The following MEGF8 variants were observed in gnomAD, a reference collection of about 807,000 sequenced individuals.
The protein encoded by MEGF8 is multiple epidermal growth factor-like domains protein 8.
A neutral mutation model predicts 302.9 loss-of-function variants in MEGF8; 156 were observed. That is an observed-to-expected ratio of 0.52 (90% CI 0.45 to 0.59). The LOEUF (loss-of-function observed/expected upper bound fraction) is 0.59. Among genes scored for constraint, MEGF8 ranks in the 20% least tolerant of loss-of-function variants. The probability of loss-of-function intolerance (pLI) is 0.00; values close to 1 mark genes in which losing one functional copy is unlikely to be tolerated. For missense variants in MEGF8, 3,345 were observed against 3,964.5 expected (o/e 0.84, Z 4.20); for synonymous variants, 1,621 against 1,660.5 (o/e 0.98, Z 0.58).
Position 42,375,434 on chromosome 19 carries a change from G to C in MEGF8, c.7270-73G>C. 7.0e-7 allele frequency: 1 copy of C among 1,420,112 alleles called. No homozygotes were observed. Among genetic ancestry groups the C allele is most frequent in the Non-Finnish European group, 9.4e-7 (1 of 1,061,032 alleles). 88.0% of individuals were successfully genotyped at this position (1,420,112 alleles called of 1,614,324 possible). ...ACTTAGCAGTGGGTATAGAGTATTC[G>C]TCACTGCTGCTTGGGGGACAGGCTG... On this transcript the variant is annotated intron_variant, in intron 41 of 41. Coordinates refer to ENST00000251268, the MANE Select transcript of MEGF8 (RefSeq NM_001271938.2). The surrounding 1 kb of genome is among the most constrained non-coding windows in gnomAD (Gnocchi z 7.1).
chr19:42,363,831 A>T (rs1332972789), intron 35 of MEGF8, among the ~76,000 whole-genome samples: 1 of 152,162 alleles, frequency 6.6e-6, no homozygotes, highest in African/African-American at 2.4e-5. Flanking sequence ...ATGACCCGTA[A>T]TCTCAGCTGT....
rs1383271654 is a variant in MEGF8 at position 42,357,376 on chromosome 19, T to C, written c.4831-28T>C. On this transcript the variant is annotated intron_variant, in intron 27 of 41. Transcript: ENST00000251268. The surrounding 1 kb of genome is among the most constrained non-coding windows in gnomAD (Gnocchi z 5.2). ...AGGTGACCCCTGACCTCTAGCCCCA[T>C]CGGTGACCTTGCCCCTCCATCCCTC... 6.2e-7 allele frequency: 1 copy of C among 1,608,280 alleles called. No homozygotes were observed. Among genetic ancestry groups the C allele is most frequent in the East Asian group, 2.2e-5 (1 of 44,776 alleles).
Position 42,376,437 on chromosome 19 carries a change from C to T in MEGF8, c.8200C>T (p.Pro2734Ser). 1 of 1,611,998 alleles carries T rather than the reference C, an allele frequency of 6.2e-7. No homozygotes were observed. The highest frequency in any genetic ancestry group is 8.5e-7 in the Non-Finnish European group (1 of 1,179,466). ...CCGCCGCTCTGAGCCCTTCCTGGCACCCCTGCTGCTGACAGGGGCCGGTGG... is the reference window on the plus strand; with the variant it reads ...CCGCCGCTCTGAGCCCTTCCTGGCATCCCTGCTGCTGACAGGGGCCGGTGG... ...AFRRSEPFLA[P>S]LLLTGAGGPW... The change falls in exon 42 of 42, where the codon CCC (proline) becomes TCC (serine). Residue 2734 changes from proline to serine, a missense_variant. Pro to Ser is a moderately conservative substitution (Grantham distance 74). Coordinates refer to ENST00000251268, the MANE Select transcript of MEGF8 (RefSeq NM_001271938.2). The surrounding 1 kb of genome is among the most constrained non-coding windows in gnomAD (Gnocchi z 8.2).
chr19:42,342,762 G>T (rs2039232911), intron 8 of MEGF8, among the ~76,000 whole-genome samples: 1 of 152,128 alleles, frequency 6.6e-6, no homozygotes, highest in Non-Finnish European at 1.5e-5. Context: ...TTTCAGCTGG[G>T]TTCACTTCAG....
At position 42,349,677 on chromosome 19, in the gene MEGF8, G is replaced by A. The variant is rs775071124; in HGVS notation, c.2477G>A (p.Arg826Gln). The A allele has an allele frequency of 1.5e-5, 24 of 1,611,952 alleles. No homozygotes were observed. Among genetic ancestry groups the A allele is most frequent in the Non-Finnish European group, 2.0e-5 (24 of 1,179,804 alleles). The change falls in exon 14 of 42, where the codon CGG (arginine) becomes CAG (glutamine). Residue 826 changes from arginine to glutamine, a missense_variant. Transcript: ENST00000251268. ...AGCGAGCTAACTCTGCTGTGGGATC[G>A]GACTGGTGTGCCAGGAGGCAGCGTG... ...GHSELTLLWD[R>Q]TGVPGGSEIS...
Position 42,368,757 on chromosome 19 carries a change from G to A in MEGF8, c.6482-86G>A. 6.4e-7 allele frequency: 1 copy of A among 1,559,084 alleles called. No individual in the cohort carries two copies. Among genetic ancestry groups the A allele is most frequent in the Non-Finnish European group, 8.7e-7 (1 of 1,152,976 alleles). ...GATACTGGGCCAGACCCAGAGGTGG[G>A]GCTCAGAGGAGGCAGGAGGGAGGGC... On this transcript the variant is annotated intron_variant, in intron 36 of 41. Transcript: ENST00000251268. This position sits in a 1 kb window ranked among gnomAD's most constrained non-coding sequence, Gnocchi z 4.9.
Position 42,336,820 on chromosome 19 carries a change from G to A in MEGF8, c.1258G>A (p.Val420Met), listed in dbSNP as rs763379149. ...RPSTARFSVR[V>M]NSTELFHVDR... ...CTCCTTCGGTAGGTTCTCTGTGCGAGTGAACTCCACTGAGCTTTTCCACGT... is the reference window on the plus strand; with the variant it reads ...CTCCTTCGGTAGGTTCTCTGTGCGAATGAACTCCACTGAGCTTTTCCACGT... The change falls in exon 7 of 42, where the codon GTG (valine) becomes ATG (methionine). Residue 420 changes from valine (V) to methionine (M), a missense_variant. Physicochemically the swap from Val to Met is conservative, Grantham distance 21. Coordinates refer to ENST00000251268, the MANE Select transcript of MEGF8 (RefSeq NM_001271938.2). The surrounding 1 kb of genome is among the most constrained non-coding windows in gnomAD (Gnocchi z 4.8). The A allele has an allele frequency of 4.4e-6, 7 of 1,596,328 alleles. No homozygotes were observed. The highest frequency in any genetic ancestry group is 6.0e-6 in the Non-Finnish European group (7 of 1,170,682).
chr19:42,355,916 T>C lies in MEGF8; in HGVS notation c.4303T>C (p.Cys1435Arg), dbSNP rs759465531. The change falls in exon 24 of 42, where the codon TGT becomes CGT. Residue 1435 changes from cysteine (C) to arginine (R), a missense_variant. Transcript: ENST00000251268. ...DGAAGAGLCR[C>R]PQGWAGPHCR... ...TGCTGCAGGTGCGGGGCTCTGCCGA[T>C]GTCCTCAGGGCTGGGCTGGCCCACA... 3 of 1,601,398 alleles carry C rather than the reference T, an allele frequency of 1.9e-6. No homozygotes were observed. Among genetic ancestry groups the C allele is most frequent in the Non-Finnish European group, 2.6e-6 (3 of 1,174,820 alleles).
At chr19:42,363,980 A>G (rs1276284683) in intron 35 of MEGF8, among the ~76,000 whole-genome samples, 1 of 152,212 alleles carries the variant, frequency 6.6e-6, no homozygotes, top group Non-Finnish European at 1.5e-5. Flanking sequence ...CGGTTAGCTC[A>G]CATTCTCGAG....
Position 42,356,754 on chromosome 19 carries a change from T to G in MEGF8, c.4623-20T>G. On this transcript the variant is annotated intron_variant, in intron 26 of 41. Coordinates refer to ENST00000251268, the MANE Select transcript of MEGF8 (RefSeq NM_001271938.2). This position sits in a 1 kb window ranked among gnomAD's most constrained non-coding sequence, Gnocchi z 5.2. ...CTGGGATGACTGTAATGAGGCTGCTTTTTTGCACCCTGGCCCCAGGTACTC... is the reference window on the plus strand; with the variant it reads ...CTGGGATGACTGTAATGAGGCTGCTGTTTTGCACCCTGGCCCCAGGTACTC... 2.0e-6 allele frequency: 3 copies of G among 1,535,730 alleles called. No individual in the cohort carries two copies. Among genetic ancestry groups the G allele is most frequent in the Non-Finnish European group, 1.8e-6 (2 of 1,137,926 alleles).
chr19:42,338,774 T>C (rs1160001438), intron 8 of MEGF8, among the ~76,000 whole-genome samples: 1 of 151,760 alleles, frequency 6.6e-6, no homozygotes, highest in African/African-American at 2.4e-5. Context: ...CCACATAGTA[T>C]TCTATGATGT....
At chr19:42,370,613 G>T (rs2039672057) in intron 39 of MEGF8, 88 bp from the exon 40 acceptor site, 4 of 1,452,592 alleles carry the variant, frequency 2.8e-6, no homozygotes, top group Admixed American at 2.2e-5. Flanking sequence ...TCTGAGGGAG[G>T]AGTGGGTAGG....
At chr19:42,327,317 G>A (rs1273434501) in intron 1 of MEGF8, among the ~76,000 whole-genome samples, 4 of 152,212 alleles carry the variant, frequency 2.6e-5, no homozygotes, top group African/African-American at 9.7e-5. Flanking sequence ...GGTGACTTAG[G>A]TCTTGGAGTC....
intron 8 of MEGF8, among the ~76,000 whole-genome samples, chr19:42,341,157 C>G (rs950118964): frequency 2.0e-5 from 3 of 152,044 alleles, no homozygotes; most frequent in Non-Finnish European, 2.9e-5. Flanking sequence ...TTTGGCCAGG[C>G]ACTGTGGCTC....
rs2039381798 is a variant in MEGF8 at position 42,352,017 on chromosome 19, C to A, written c.3102-191C>A. 6.6e-6 allele frequency among the ~76,000 whole-genome samples: 1 copy of A among 152,196 alleles called. No homozygotes were observed. The highest frequency in any genetic ancestry group is 6.5e-5 in the Admixed American group (1 of 15,280). Reference sequence around the variant, plus strand: ...CTCCGCTCTCCCTTTCACTGCATCTCTGTCTATGTCTCTCTTCTGTCTTCC... The same window carrying A: ...CTCCGCTCTCCCTTTCACTGCATCTATGTCTATGTCTCTCTTCTGTCTTCC... On this transcript the variant is annotated intron_variant, in intron 18 of 41. Coordinates refer to ENST00000251268, the MANE Select transcript of MEGF8 (RefSeq NM_001271938.2). This position sits in a 1 kb window ranked among gnomAD's most constrained non-coding sequence, Gnocchi z 4.4.
rs776057241 is a variant in MEGF8 at position 42,363,142 on chromosome 19, A to G, written c.6153A>G (p.Ser2051=). Residue 2051 remains serine (S), a synonymous_variant, in exon 35 of 42, where the codon TCA becomes TCG. Coordinates refer to ENST00000251268, the MANE Select transcript of MEGF8 (RefSeq NM_001271938.2). ...ATGTGTCCCCCATGCCGGTGGAATC[A>G]TCACCCCCACTGCCCTGCCCCACCC... ...LLNVSPMPVE[S]SPPLPCPTPC... 1.2e-6 allele frequency: 2 copies of G among 1,612,708 alleles called. No homozygotes were observed. The highest frequency in any genetic ancestry group is 1.7e-6 in the Non-Finnish European group (2 of 1,179,406).
Position 42,371,427 on chromosome 19 carries a change from C to T in MEGF8, c.7214C>T (p.Thr2405Met), listed in dbSNP as rs142829766. 4.6e-4 allele frequency: 737 copies of T among 1,613,906 alleles called. 2 individuals are homozygous for T. Among genetic ancestry groups the T allele is most frequent in the Non-Finnish European group, 1.0e-4 (122 of 1,179,876 alleles). ...TGCPCQNNTE[T>M]GTCQGSSPSD... ...TGTCCATGTCAGAATAACACAGAGA[C>T]GGGCACATGCCAGGGCAGCTCCCCC... The change falls in exon 41 of 42, where the codon ACG becomes ATG. Residue 2405 changes from threonine (T) to methionine (M), a missense_variant. Thr to Met is a moderately conservative substitution (Grantham distance 81). Transcript: ENST00000251268.
intron 1 of MEGF8, among the ~76,000 whole-genome samples, chr19:42,327,619 C>T (rs2039002093): frequency 6.6e-6 from 1 of 152,244 alleles, no homozygotes; most frequent in Non-Finnish European, 1.5e-5. Flanking sequence ...CCTATGCATG[C>T]CTCAGAACCC....
chr19:42,370,851 G>GGT lies in MEGF8; in HGVS notation c.7136+21_7136+22insTG. On this transcript the variant is annotated intron_variant, in intron 40 of 41. Transcript: ENST00000251268. ...CACCAAGTAAGAGGAACCGGGGGGG[G>GGT]GGGGGGGGGGGGGGGGGGGGGAGGC... 2 of 183,846 alleles carry GGT rather than the reference G, an allele frequency of 1.1e-5. No homozygotes were observed. The highest frequency in any genetic ancestry group is 3.3e-5 in the South Asian group (1 of 30,516). 11.4% of individuals were successfully genotyped at this position (183,846 alleles called of 1,614,324 possible). A position where few individuals can be genotyped will look rare whatever the true frequency, so the allele number is the denominator to read the frequency against.
Sources: allele counts gnomAD v4.1 joint callset (sites outside exome capture counted in the v4.1 genomes callset), GRCh38; gene constraint gnomAD v4.1.1; non-coding constraint Gnocchi (gnomAD v3.1); transcripts MANE v1.5; gene names NCBI Gene and HGNC (gene_info 2026-07-23, HGNC 2026-07-21).